CEP63: variants seen among roughly 807,000 people sequenced by gnomAD.
CEP63 encodes centrosomal protein of 63 kDa.
CEP63 carries 84 observed loss-of-function variants against 89.1 expected under a neutral mutation model. The ratio of observed to expected loss-of-function variants is 0.94; its 90% confidence interval spans 0.79 to 1.13. The LOEUF (loss-of-function observed/expected upper bound fraction) is 1.13, where lower values mean the gene tolerates loss of function less well. Among genes scored for constraint, CEP63 ranks in the 50% most tolerant of loss-of-function variants. The pLI, the probability that CEP63 is intolerant of heterozygous loss-of-function variation, is 0.00. For missense variants in CEP63, 838 were observed against 813.3 expected, an observed-to-expected ratio of 1.03 and a Z score of -0.37; for synonymous variants, 267 against 272.5, an observed-to-expected ratio of 0.98 and a Z score of 0.20.
chr3:134,590,990 A>AAGG, downstream of CEP63, among the ~76,000 whole-genome samples: 1 of 152,106 alleles, frequency 6.6e-6, no homozygotes, highest in East Asian at 1.9e-4. Flanking sequence ...CTTCTTTGTG[A>AAGG]AGGAGCTTCC....
the CEP63 span, among the ~76,000 whole-genome samples, chr3:134,730,663 A>C: frequency 1.3e-5 from 2 of 152,248 alleles, no homozygotes; most frequent in African/African-American, 4.8e-5. Flanking sequence ...AGTTTCTTTA[A>C]AAAAACTATA....
At chr3:134,629,694 C>T in the CEP63 span, 2 of 1,585,692 alleles carry the variant, frequency 1.3e-6, no homozygotes, top group South Asian at 1.2e-5. Flanking sequence ...TCAGTTGTGT[C>T]CCTACAAAGG....
chr3:134,517,683 A>C (rs1946552918), intron 3 of CEP63, among the ~76,000 whole-genome samples: 1 of 152,246 alleles, frequency 6.6e-6, no homozygotes, highest in African/African-American at 2.4e-5. Context: ...ACATTTGGAA[A>C]TTAGGACATG....
intron 1 of CEP63, among the ~76,000 whole-genome samples, chr3:134,491,393 C>G (rs1044702255): frequency 1.3e-5 from 2 of 152,032 alleles, no homozygotes; most frequent in Non-Finnish European, 2.9e-5. Context: ...TACCTCTCGC[C>G]CATGTTTCTA....
At position 134,558,212 on chromosome 3, in the gene CEP63, A is replaced by C. The variant is rs1254897889; in HGVS notation, c.1538A>C (p.Asn513Thr). 6.2e-7 allele frequency: 1 copy of C among 1,613,670 alleles called. No homozygotes were observed. The highest frequency in any genetic ancestry group is 8.5e-7 in the Non-Finnish European group (1 of 1,179,754). Reference protein sequence around the residue: ...IEALNKLVSENQQLQKDLMNT... With the variant: ...IEALNKLVSETQQLQKDLMNT... ...GCATTAAATAAATTAGTGTCTGAAA[A>C]TCAACAACTACAGAAAGATTTGATG... The change falls in exon 13 of 15, where the codon AAT becomes ACT. Residue 513 changes from asparagine (N) to threonine (T), a missense_variant. Coordinates refer to ENST00000675561, the MANE Select transcript of CEP63 (RefSeq NM_001353108.3).
At chr3:134,713,539 A>G in the CEP63 span, among the ~76,000 whole-genome samples, 3 of 152,308 alleles carry the variant, frequency 2.0e-5, no homozygotes, top group South Asian at 6.2e-4. Context: ...AGAAGGAAGG[A>G]GCTTGGATCC....
chr3:134,574,690 C>T (rs1958151732), intron 11 of CEP63: 3 of 440,712 alleles, frequency 6.8e-6, no homozygotes, highest in Non-Finnish European at 8.1e-6. Flanking sequence ...TTACTGCAAC[C>T]TCCACCTCCT....
intron 3 of CEP63, among the ~76,000 whole-genome samples, chr3:134,515,417 T>C (rs550953969): frequency 6.6e-6 from 1 of 152,348 alleles, no homozygotes; most frequent in East Asian, 1.9e-4. Context: ...GCAATTATTA[T>C]TTAATGTTTA....
At chr3:134,576,440 G>A (rs1958213691), downstream of CEP63, among the ~76,000 whole-genome samples, 1 of 152,188 alleles carries the variant, frequency 6.6e-6, no homozygotes, top group East Asian at 1.9e-4. Context: ...TCTGACAAGT[G>A]CGCATGGCAG....
At chr3:134,558,066 A>G (rs1956595898) in intron 12 of CEP63, 76 bp from the exon 13 acceptor site, 4 of 1,314,844 alleles carry the variant, frequency 3.0e-6, no homozygotes, top group South Asian at 2.4e-5. Context: ...AAAACACTGA[A>G]TTTTCCAACC....
chr3:134,531,988 T>C lies in CEP63; in HGVS notation c.318+48T>C, dbSNP rs1348960745. 7 of 1,343,212 alleles carry C rather than the reference T, an allele frequency of 5.2e-6. No individual in the cohort carries two copies. The African/African-American group carries it at 1.0e-4, about 19-fold the overall frequency. The allele number at this position is 1,343,212 out of a possible 1,614,324, so 83.2% of individuals were successfully genotyped here. A position where few individuals can be genotyped will look rare whatever the true frequency, so the allele number is the denominator to read the frequency against. On this transcript the variant is annotated intron_variant, in intron 4 of 14. Transcript: ENST00000675561. ...TGTTGTGTGTGTAGTTCTCTCTCTTTCACCCTTGAGAACTTTGTTAATGAA... is the reference window on the plus strand; with the variant it reads ...TGTTGTGTGTGTAGTTCTCTCTCTTCCACCCTTGAGAACTTTGTTAATGAA...
the CEP63 span, among the ~76,000 whole-genome samples, chr3:134,605,644 G>A: frequency 5.9e-5 from 9 of 151,850 alleles, no homozygotes; most frequent in African/African-American, 1.2e-4. Flanking sequence ...TGCCCACTCC[G>A]CACCTGCCCT....
rs188806660 is a variant in CEP63 at position 134,488,354 on chromosome 3, C to G, written c.-26+2152C>G. Among the ~76,000 whole-genome samples, 5 of 152,258 alleles carry G rather than the reference C, an allele frequency of 3.3e-5. No homozygotes were observed. The South Asian group carries it at 8.3e-4, about 25-fold the overall frequency. ...GTTGGCCGGGCGCGGTGACTCACGC[C>G]TGTAATCCCAGCACTTTGGGAGGCC... On this transcript the variant is annotated intron_variant, in intron 1 of 14. Transcript: ENST00000675561.
At position 134,551,754 on chromosome 3, in the gene CEP63, T is replaced by TATAC. The variant is rs1487318946; in HGVS notation, c.1381-171_1381-170insTACA. ...ATATATATATATATATATATATATATACACACACACACGTACATATATATA... is the reference window on the plus strand; with the variant it reads ...ATATATATATATATATATATATATATATACACACACACACACGTACATATATATA... On this transcript the variant is annotated intron_variant, in intron 11 of 14. Coordinates refer to ENST00000675561, the MANE Select transcript of CEP63 (RefSeq NM_001353108.3). 9.7e-3 allele frequency among the ~76,000 whole-genome samples: 212 copies of TATAC among 21,744 alleles called. 1 individual carries two copies. Among genetic ancestry groups the TATAC allele is most frequent in the Middle Eastern group, 0.06 (3 of 50 alleles). 14.3% of individuals were successfully genotyped at this position (21,744 alleles called of 152,430 possible).
chr3:134,629,768 T>G, the CEP63 span: 8 of 879,126 alleles, frequency 9.1e-6, no homozygotes, highest in East Asian at 1.3e-4. Flanking sequence ...TGACTGATGA[T>G]TGAATAAAAA....
the CEP63 span, among the ~76,000 whole-genome samples, chr3:134,775,265 G>A: frequency 1.3e-5 from 2 of 152,210 alleles, no homozygotes; most frequent in Admixed American, 1.3e-4. Context: ...AGGGCTGTAA[G>A]ATGGGGCAGG....
intron 10 of CEP63, among the ~76,000 whole-genome samples, chr3:134,585,914 CTCT>C (rs1349234832): frequency 1.3e-5 from 2 of 152,150 alleles, no homozygotes; most frequent in Non-Finnish European, 2.9e-5. Context: ...AGTTAATTAG[CTCT>C]TCTTGTTGAA....
chr3:134,515,121 CATT>C (rs1306961483), intron 3 of CEP63, among the ~76,000 whole-genome samples: 1 of 152,140 alleles, frequency 6.6e-6, no homozygotes, highest in East Asian at 1.9e-4. Flanking sequence ...TTATAGCTAA[CATT>C]AGACCTTGTT....
chr3:134,716,977 A>G, the CEP63 span, among the ~76,000 whole-genome samples: 1 of 152,176 alleles, frequency 6.6e-6, no homozygotes, highest in Admixed American at 6.5e-5. Context: ...CTGAAGGGCA[A>G]CCTGGCTGCC....
Sources: gnomAD v4.1 joint callset for allele counts (sites outside exome capture counted in the v4.1 genomes callset) on GRCh38, gnomAD v4.1.1 for gene constraint, MANE v1.5 for transcripts, NCBI Gene and HGNC (gene_info 2026-07-23, HGNC 2026-07-21) for gene names.